NCOR1: variants seen among roughly 807,000 people sequenced by gnomAD.
NCOR1 encodes the protein protein phosphatase 1, regulatory subunit 109.
Under a neutral mutation model 288.1 loss-of-function variants are expected in NCOR1, and 63 were observed. That is an observed-to-expected ratio of 0.22 (90% CI 0.18 to 0.27). The LOEUF (loss-of-function observed/expected upper bound fraction) is 0.27. Ranked by LOEUF, NCOR1 falls within the 10% of genes least tolerant of loss-of-function variation. NCOR1 has a pLI of 1.00. For synonymous variants in NCOR1, 1,007 were observed against 1,065.9 expected (o/e 0.94, Z 1.08); for missense variants, 2,397 against 3,019.2 (o/e 0.79, Z 4.83).
At chr17:16,043,554 T>C (rs1019238920) in intron 42 of NCOR1, among the ~76,000 whole-genome samples, 2 of 152,232 alleles carry the variant, frequency 1.3e-5, no homozygotes, top group Admixed American at 1.3e-4. Flanking sequence ...CATAGTACGC[T>C]ACTGAAAACA....
intron 19 of NCOR1, among the ~76,000 whole-genome samples, chr17:16,102,802 C>G (rs993451428): frequency 1.3e-5 from 2 of 152,130 alleles, no homozygotes; most frequent in African/African-American, 4.8e-5. Flanking sequence ...CCATGTTGCC[C>G]AGGCTGGTCT....
intron 44 of NCOR1, among the ~76,000 whole-genome samples, chr17:16,036,472 G>C (rs374767230): frequency 2.0e-5 from 3 of 152,206 alleles, no homozygotes; most frequent in African/African-American, 7.2e-5. Context: ...AAGAGAGTCA[G>C]CCTGTCTTTT....
chr17:16,109,038 TA>T, intron 18 of NCOR1, 126 bp from the exon 19 acceptor site: 1 of 759,520 alleles, frequency 1.3e-6, no homozygotes, highest in Admixed American at 3.7e-5. Flanking sequence ...TGTTTGACAA[TA>T]GTTCTGGTTA....
chr17:16,119,347 A>C (rs2072493738), intron 17 of NCOR1, 76 bp downstream of exon 17: 1 of 1,044,452 alleles, frequency 9.6e-7, no homozygotes, highest in Admixed American at 2.2e-5. Flanking sequence ...TAAAACAATT[A>C]GTTCCATCTC....
chr17:16,068,291 T>A, intron 31 of NCOR1, 170 bp from the exon 32 acceptor site: 1 of 625,712 alleles, frequency 1.6e-6, no homozygotes, highest in South Asian at 2.0e-5. Context: ...AAACAACATA[T>A]GAAAATGTAA....
intron 23 of NCOR1, chr17:16,084,120 T>C (rs77037672): frequency 0.063 from 9,723 of 153,850 alleles, 436 homozygotes; most frequent in Middle Eastern, 0.11. Flanking sequence ...CTGCCAATTG[T>C]GAGCAGTTTC....
chr17:16,075,018 C>T (rs2062248712), intron 27 of NCOR1, among the ~76,000 whole-genome samples: 1 of 152,128 alleles, frequency 6.6e-6, no homozygotes, highest in Non-Finnish European at 1.5e-5. Flanking sequence ...CAGGCGCCCG[C>T]CACCATGCCC....
At chr17:16,153,272 T>G (rs190040960) in intron 7 of NCOR1, 67 bp downstream of exon 7, 29 of 1,132,286 alleles carry the variant, frequency 2.6e-5, no homozygotes, top group Non-Finnish European at 3.7e-5. Flanking sequence ...TATTCCATCT[T>G]ATCCCAAGAA....
intron 3 of NCOR1, 77 bp downstream of exon 3, chr17:16,186,477 A>T: frequency 6.8e-7 from 1 of 1,467,530 alleles, no homozygotes; most frequent in Non-Finnish European, 9.2e-7. Context: ...AATAAAAAGT[A>T]AAAAAATAAA....
chr17:16,118,606 CACAT>C (rs1376181678), intron 17 of NCOR1, among the ~76,000 whole-genome samples: 2 of 152,130 alleles, frequency 1.3e-5, no homozygotes, highest in African/African-American at 4.8e-5. Flanking sequence ...CATAAACACA[CACAT>C]ACGTGCAAAG....
At position 16,031,770 on chromosome 17, in the gene NCOR1, A is replaced by G. The variant is rs140182822; in HGVS notation, c.*526T>C. ...GAAAGCTGAATTTAGAGGAAACAAT[A>G]TCAGATAAAAGTACAATGCCCGTGA... On this transcript the variant is annotated 3_prime_UTR_variant, in exon 46 of 46. Coordinates refer to ENST00000268712, the MANE Select transcript of NCOR1 (RefSeq NM_006311.4). The G allele has an allele frequency of 8.7e-6, 2 of 230,386 alleles. No homozygotes were observed. Among genetic ancestry groups the G allele is most frequent in the East Asian group, 1.2e-4 (2 of 16,126 alleles). 14.3% of individuals were successfully genotyped at this position (230,386 alleles called of 1,614,324 possible).
chr17:16,120,571 G>GA (rs1188700401), intron 16 of NCOR1, among the ~76,000 whole-genome samples: 6 of 152,114 alleles, frequency 3.9e-5, no homozygotes, highest in Non-Finnish European at 8.8e-5. Flanking sequence ...ATGAGAGAGA[G>GA]AAAGATGCTT....
At chr17:16,082,160 A>C (rs532797488) in intron 23 of NCOR1, among the ~76,000 whole-genome samples, 98 of 152,328 alleles carry the variant, frequency 6.4e-4, no homozygotes, top group Admixed American at 1.8e-3. Flanking sequence ...GTCACTAAGC[A>C]AATAATAACA....
intron 22 of NCOR1, among the ~76,000 whole-genome samples, chr17:16,089,562 G>A (rs2064840086): frequency 6.6e-6 from 1 of 152,000 alleles, no homozygotes; most frequent in Admixed American, 6.6e-5. Context: ...CAAATAGTTG[G>A]ACAACAAGTG....
intron 37 of NCOR1, among the ~76,000 whole-genome samples, chr17:16,061,157 C>T (rs111421700): frequency 5.3e-5 from 8 of 152,266 alleles, no homozygotes; most frequent in African/African-American, 1.9e-4. Flanking sequence ...TAAGGTCTGC[C>T]TTCTACTTTC....
chr17:16,077,233 C>G (rs903639170), intron 26 of NCOR1, among the ~76,000 whole-genome samples: 1 of 151,700 alleles, frequency 6.6e-6, no homozygotes, highest in East Asian at 1.9e-4. Flanking sequence ...CCCATCTCTA[C>G]TAAAAATACA....
intron 14 of NCOR1, among the ~76,000 whole-genome samples, chr17:16,128,391 C>T (rs900629498): frequency 2.6e-5 from 4 of 152,196 alleles, no homozygotes; most frequent in South Asian, 2.1e-4. Flanking sequence ...ACAGACCACA[C>T]CTGCTTGTAG....
intron 14 of NCOR1, among the ~76,000 whole-genome samples, chr17:16,130,056 C>T (rs2075359090): frequency 6.6e-6 from 1 of 152,158 alleles, no homozygotes; most frequent in Admixed American, 6.5e-5. Context: ...GGAAATGATC[C>T]AAAGAAATGG....
intron 9 of NCOR1, 93 bp downstream of exon 9, chr17:16,149,358 G>T: frequency 4.0e-6 from 2 of 502,604 alleles, no homozygotes; most frequent in Admixed American, 3.2e-5. Flanking sequence ...ATGGAGTCAA[G>T]GACCACTCTC....
Sources: gnomAD v4.1 joint callset for allele counts (sites outside exome capture counted in the v4.1 genomes callset) on GRCh38, gnomAD v4.1.1 for gene constraint, MANE v1.5 for transcripts, NCBI Gene and HGNC (gene_info 2026-07-23, HGNC 2026-07-21) for gene names.